The following TMEM135 variants were observed in gnomAD, a reference collection of about 807,000 sequenced individuals.
TMEM135 encodes transmembrane protein 135.
A neutral mutation model predicts 60.3 loss-of-function variants in TMEM135; 30 were observed. The ratio of observed to expected loss-of-function variants is 0.50; its 90% CI spans 0.37 to 0.68. The LOEUF is 0.68. TMEM135 is among the 30% of genes least tolerant of loss of function. TMEM135 has a pLI of 0.00. For missense variants in TMEM135, 468 were observed against 548.8 expected (o/e 0.85, Z 1.47); for synonymous variants, 190 against 186.7 (o/e 1.02, Z -0.14).
At chr11:87,166,985 G>T (rs1647268851) in intron 5 of TMEM135, among the ~76,000 whole-genome samples, 1 of 152,126 alleles carries the variant, frequency 6.6e-6, no homozygotes, top group South Asian at 2.1e-4. Flanking sequence ...ATTTCCTTGA[G>T]CAGTGGTTTC....
At chr11:87,239,605 C>T (rs1318589780) in intron 6 of TMEM135, among the ~76,000 whole-genome samples, 3 of 151,992 alleles carry the variant, frequency 2.0e-5, no homozygotes, top group Non-Finnish European at 2.9e-5. Context: ...TCCCAGGACT[C>T]CATTTATGGT....
chr11:87,092,342 T>C (rs1236653298), intron 4 of TMEM135, among the ~76,000 whole-genome samples: 2 of 152,248 alleles, frequency 1.3e-5, no homozygotes, highest in Admixed American at 6.5e-5. Flanking sequence ...GTGTGTGCGG[T>C]TGGGTCAGAG....
chr11:87,236,617 T>C, intron 5 of TMEM135, 21 bp from the exon 6 acceptor site: 1 of 1,609,882 alleles, frequency 6.2e-7, no homozygotes, highest in Non-Finnish European at 8.5e-7. Context: ...TTGCAAGTAA[T>C]ATATTTTCTC....
chr11:87,201,967 T>G (rs1940104290), intron 5 of TMEM135, among the ~76,000 whole-genome samples: 1 of 107,638 alleles, frequency 9.3e-6, no homozygotes, highest in African/African-American at 4.3e-5. Flanking sequence ...TATGTTATGT[T>G]ATGTTATGTT....
At position 87,112,816 on chromosome 11, in the gene TMEM135, T is replaced by G. The variant is rs548788718; in HGVS notation, c.396+21421T>G. ...CTGAATGGCATATGATAAGGGTTTT[T>G]TTTTCTTCCAATAATGAATTACATC... On this transcript the variant is annotated intron_variant, in intron 4 of 14. Coordinates refer to ENST00000305494, the MANE Select transcript of TMEM135 (RefSeq NM_022918.4). Among the ~76,000 whole-genome samples, 4 of 152,166 alleles carry G rather than the reference T, an allele frequency of 2.6e-5. No homozygotes were observed. The East Asian group carries it at 7.7e-4, about 29-fold the overall frequency.
At chr11:87,298,009 T>C (rs779873874) in intron 7 of TMEM135, among the ~76,000 whole-genome samples, 3 of 152,210 alleles carry the variant, frequency 2.0e-5, no homozygotes, top group Non-Finnish European at 4.4e-5. Flanking sequence ...TATTGTCAAG[T>C]TTCATTGTAA....
intron 4 of TMEM135, among the ~76,000 whole-genome samples, chr11:87,115,091 C>T (rs1169553661): frequency 1.3e-5 from 2 of 152,014 alleles, no homozygotes; most frequent in African/African-American, 4.8e-5. Flanking sequence ...AAGATGGGGG[C>T]TGATTAAGCA....
chr11:87,267,897 G>A (rs147249959), intron 6 of TMEM135, among the ~76,000 whole-genome samples: 1,613 of 152,086 alleles, frequency 0.011, 18 homozygotes, highest in African/African-American at 0.038. Flanking sequence ...TCACCATGTT[G>A]ACCAGAATGG....
intron 6 of TMEM135, among the ~76,000 whole-genome samples, chr11:87,271,660 G>T (rs1941865101): frequency 6.6e-6 from 1 of 152,178 alleles, no homozygotes; most frequent in Non-Finnish European, 1.5e-5. Flanking sequence ...AAGCCTGGGT[G>T]CAGTGGCTCA....
intron 1 of TMEM135, among the ~76,000 whole-genome samples, chr11:87,063,871 T>C (rs147055869): frequency 2.0e-5 from 3 of 152,342 alleles, no homozygotes; most frequent in African/African-American, 7.2e-5. Context: ...AATGGACATT[T>C]AGGTGGTTAC....
Position 87,243,929 on chromosome 11 carries a change from A to G in TMEM135, c.509+7245A>G, listed in dbSNP as rs1271739855. On this transcript the variant is annotated intron_variant, in intron 6 of 14. Transcript: ENST00000305494. Reference sequence around the variant, plus strand: ...AGAGAGGGCATCCCTGTCTTGTGCCAGTTTTCAAAGGTAATGCTTCCAGCT... The same window carrying G: ...AGAGAGGGCATCCCTGTCTTGTGCCGGTTTTCAAAGGTAATGCTTCCAGCT... 3.3e-4 allele frequency among the ~76,000 whole-genome samples: 26 copies of G among 79,534 alleles called. 10 individuals are homozygous for G. Among genetic ancestry groups the G allele is most frequent in the African/African-American group, 1.1e-3 (24 of 20,962 alleles). 52.2% of individuals were successfully genotyped at this position (79,534 alleles called of 152,430 possible). A position where few individuals can be genotyped will look rare whatever the true frequency, so the allele number is the denominator to read the frequency against.
intron 5 of TMEM135, among the ~76,000 whole-genome samples, chr11:87,192,037 A>G (rs1186436390): frequency 8.1e-6 from 1 of 122,946 alleles, no homozygotes; most frequent in Non-Finnish European, 1.6e-5. Context: ...GCTGGAGTGC[A>G]GTGGCGCGAT....
At position 87,038,306 on chromosome 11, in the gene TMEM135, G is replaced by A. The variant is rs1456028559; in HGVS notation, c.141+120G>A. On this transcript the variant is annotated intron_variant, in intron 1 of 14. Transcript: ENST00000305494. ...CTTGTGTCGGGCTCTCTTTTGGAGG[G>A]GTCGGAGTGTTTTGGGGGGTCGGTA... 9.5e-6 allele frequency: 12 copies of A among 1,268,244 alleles called. No individual in the cohort carries two copies. In the African/African-American group the frequency reaches 1.2e-4, roughly 13 times the overall value. 78.6% of individuals were successfully genotyped at this position (1,268,244 alleles called of 1,614,324 possible).
At chr11:87,268,785 G>A (rs1313264251) in intron 6 of TMEM135, among the ~76,000 whole-genome samples, 1 of 151,960 alleles carries the variant, frequency 6.6e-6, no homozygotes, top group Non-Finnish European at 1.5e-5. Flanking sequence ...GCTTTTGAGA[G>A]TGTATTTCGG....
intron 5 of TMEM135, among the ~76,000 whole-genome samples, chr11:87,227,500 G>A (rs1436192016): frequency 6.6e-6 from 1 of 151,172 alleles, no homozygotes; most frequent in Non-Finnish European, 1.5e-5. Flanking sequence ...GTTTTATCAA[G>A]GAATAGAAAC....
At position 87,238,653 on chromosome 11, in the gene TMEM135, C is replaced by G. The variant is rs139394445; in HGVS notation, c.509+1969C>G. Among the ~76,000 whole-genome samples the G allele has an allele frequency of 8.5e-5, 13 of 152,150 alleles. No individual in the cohort carries two copies. In the East Asian group the frequency reaches 2.5e-3, roughly 29 times the overall value. Reference sequence around the variant, plus strand: ...GTTGTGGGAGTTAGGAACAATGACTCATTGATTTCTAAAAACTTCTTAATT... The same window carrying G: ...GTTGTGGGAGTTAGGAACAATGACTGATTGATTTCTAAAAACTTCTTAATT... On this transcript the variant is annotated intron_variant, in intron 6 of 14. Coordinates refer to ENST00000305494, the MANE Select transcript of TMEM135 (RefSeq NM_022918.4).
chr11:87,152,690 C>T (rs770896220), intron 4 of TMEM135, among the ~76,000 whole-genome samples: 13 of 152,222 alleles, frequency 8.5e-5, no homozygotes, highest in South Asian at 2.1e-4. Context: ...CCACCCGCCT[C>T]GGCCTCCCAA....
intron 4 of TMEM135, among the ~76,000 whole-genome samples, chr11:87,092,953 CAGCTTTTGT>C (rs1282222344): frequency 2.7e-5 from 4 of 148,506 alleles, no homozygotes; most frequent in Non-Finnish European, 6.0e-5. Context: ...GATCAGAACT[CAGCTTTTGT>C]AGTCCGAGAA....
At chr11:87,119,012 G>A (rs1396705493) in intron 4 of TMEM135, among the ~76,000 whole-genome samples, 1 of 152,154 alleles carries the variant, frequency 6.6e-6, no homozygotes, top group Non-Finnish European at 1.5e-5. Context: ...TTGCTTTCTT[G>A]TCATTCGTGT....
Sources: gnomAD v4.1 joint callset for allele counts (sites outside exome capture counted in the v4.1 genomes callset) on GRCh38, gnomAD v4.1.1 for gene constraint, MANE v1.5 for transcripts, NCBI Gene and HGNC (gene_info 2026-07-23, HGNC 2026-07-21) for gene names.